Variants in ZBTB20 observed in about 807,000 individuals in gnomAD.
The protein encoded by ZBTB20 is zinc finger and BTB domain containing 20, also known as zinc finger and BTB domain-containing protein 20.
Under a neutral mutation model 56.9 loss-of-function variants are expected in ZBTB20, and 9 were observed. The observed-to-expected ratio is 0.16, with a 90% CI of 0.10 to 0.28. The LOEUF (loss-of-function observed/expected upper bound fraction) is 0.28, where lower values mean the gene tolerates loss of function less well. Ranked by LOEUF, ZBTB20 falls within the 10% of genes least tolerant of loss-of-function variation. ZBTB20 has a pLI of 1.00. For missense variants in ZBTB20, 655 were observed against 1,003.0 expected, an observed-to-expected ratio of 0.65 and a Z score of 4.69; for synonymous variants, 417 against 420.7, an observed-to-expected ratio of 0.99 and a Z score of 0.11.
chr3:114,826,309 A>C, intron 4 of ZBTB20, among the ~76,000 whole-genome samples: 1 of 151,746 alleles, frequency 6.6e-6, no homozygotes, highest in Non-Finnish European at 1.5e-5. Context: ...AATATCTTAG[A>C]GGTTTTTTCC....
At chr3:114,402,293 C>T (rs1478036980) in intron 7 of ZBTB20, among the ~76,000 whole-genome samples, 3 of 151,990 alleles carry the variant, frequency 2.0e-5, no homozygotes, top group Non-Finnish European at 4.4e-5. Flanking sequence ...TCCCTCCAAA[C>T]AGGATTTGAT....
chr3:115,004,581 T>G (rs1167257115), intron 2 of ZBTB20, among the ~76,000 whole-genome samples: 1 of 151,728 alleles, frequency 6.6e-6, no homozygotes, highest in Admixed American at 6.6e-5. Context: ...AGAGGGTCTT[T>G]CATTTTTCCA....
chr3:114,860,632 G>T (rs1483131389), intron 4 of ZBTB20, among the ~76,000 whole-genome samples: 1 of 152,200 alleles, frequency 6.6e-6, no homozygotes, highest in Non-Finnish European at 1.5e-5. Flanking sequence ...ATTGTGAGAA[G>T]AGTTGCTTTC....
intron 2 of ZBTB20, among the ~76,000 whole-genome samples, chr3:114,991,657 C>A (rs151066333): frequency 2.8e-3 from 424 of 152,058 alleles, no homozygotes; most frequent in Non-Finnish European, 4.3e-3. Flanking sequence ...CCTGGATATC[C>A]TTTTTAACTT....
chr3:114,690,413 A>G (rs553355770), intron 6 of ZBTB20, among the ~76,000 whole-genome samples: 4 of 152,272 alleles, frequency 2.6e-5, no homozygotes, highest in South Asian at 4.1e-4. Context: ...TGGACAACAC[A>G]TCACTACTGA....
chr3:114,751,070 A>G (rs1028316931), intron 5 of ZBTB20, among the ~76,000 whole-genome samples: 20 of 152,186 alleles, frequency 1.3e-4, no homozygotes, highest in African/African-American at 4.8e-4. Flanking sequence ...TCAAATTTAT[A>G]CCAAGTTCCT....
intron 11 of ZBTB20, among the ~76,000 whole-genome samples, chr3:114,346,054 A>C (rs928541467): frequency 7.9e-5 from 12 of 152,232 alleles, no homozygotes; most frequent in Admixed American, 2.6e-4. Flanking sequence ...GAATGAAAGA[A>C]ACTCCTAGAG....
rs150440094 is a variant in ZBTB20 at position 115,130,831 on chromosome 3, G to A, written c.-703+16388C>T. Among the ~76,000 whole-genome samples, 675 of 152,098 alleles carry A rather than the reference G, an allele frequency of 4.4e-3. 2 individuals are homozygous for A. Among genetic ancestry groups the A allele is most frequent in the Non-Finnish European group, 7.4e-3 (504 of 67,976 alleles). Reference sequence around the variant, plus strand: ...GGCTGGAGTGCAATGGCACCATCTCGGCTCACCACAACCTGCACCTCCCAG... The same window carrying A: ...GGCTGGAGTGCAATGGCACCATCTCAGCTCACCACAACCTGCACCTCCCAG... On this transcript the variant is annotated intron_variant, in intron 1 of 11. Coordinates refer to ENST00000675478, the MANE Select transcript of ZBTB20 (RefSeq NM_001348800.3).
At chr3:114,699,512 A>G (rs1377593928) in intron 5 of ZBTB20, among the ~76,000 whole-genome samples, 2 of 152,118 alleles carry the variant, frequency 1.3e-5, no homozygotes, top group African/African-American at 4.8e-5. Flanking sequence ...TTGGAGAATA[A>G]GACCTTTAGA....
intron 5 of ZBTB20, among the ~76,000 whole-genome samples, chr3:114,740,320 A>G (rs1338579340): frequency 6.6e-6 from 1 of 152,218 alleles, no homozygotes; most frequent in Non-Finnish European, 1.5e-5. Context: ...AACTATTAGC[A>G]TAGGTATGAT....
intron 1 of ZBTB20, among the ~76,000 whole-genome samples, chr3:115,076,252 G>A (rs1279745865): frequency 1.3e-4 from 20 of 152,032 alleles, no homozygotes; most frequent in Admixed American, 1.2e-3. Flanking sequence ...TAGCCAAATC[G>A]ATCTTGAGAA....
At chr3:115,061,496 T>G (rs1441851166) in intron 2 of ZBTB20, among the ~76,000 whole-genome samples, 1 of 152,180 alleles carries the variant, frequency 6.6e-6, no homozygotes. Flanking sequence ...ATTAACCAAT[T>G]TATTGATTTC....
At chr3:114,613,901 T>C (rs1009989814) in intron 6 of ZBTB20, among the ~76,000 whole-genome samples, 1 of 152,200 alleles carries the variant, frequency 6.6e-6, no homozygotes, top group Non-Finnish European at 1.5e-5. Flanking sequence ...GCTTATTATA[T>C]ACTAGGTATT....
rs575889182 is a variant in ZBTB20 at position 114,462,146 on chromosome 3, A to G, written c.-255+38206T>C. ...GGTTATTATTGTAGAAGAAACATCA[A>G]TTTGGATTGCAAGTATCCTAGGACC... On this transcript the variant is annotated intron_variant, in intron 7 of 11. Transcript: ENST00000675478. Among the ~76,000 whole-genome samples the G allele has an allele frequency of 5.9e-5, 9 of 152,360 alleles. No homozygotes were observed. The East Asian group carries it at 1.2e-3, about 20-fold the overall frequency.
chr3:114,721,308 A>AC (rs2108494423), intron 5 of ZBTB20, among the ~76,000 whole-genome samples: 1 of 152,126 alleles, frequency 6.6e-6, no homozygotes, highest in East Asian at 1.9e-4. Flanking sequence ...GGAGAGCATA[A>AC]AGGTAATGAG....
At chr3:114,357,991 C>T (rs1366090058) in intron 10 of ZBTB20, among the ~76,000 whole-genome samples, 1 of 152,172 alleles carries the variant, frequency 6.6e-6, no homozygotes, top group African/African-American at 2.4e-5. Context: ...ATATAGTTTA[C>T]AACTGTTGAA....
chr3:114,729,971 T>G (rs2108534830), intron 5 of ZBTB20, among the ~76,000 whole-genome samples: 1 of 149,860 alleles, frequency 6.7e-6, no homozygotes, highest in South Asian at 2.1e-4. Flanking sequence ...TTTTTTTTTT[T>G]TTTTTTTGTA....
At chr3:115,038,118 G>T (rs893814035) in intron 2 of ZBTB20, among the ~76,000 whole-genome samples, 1 of 152,090 alleles carries the variant, frequency 6.6e-6, no homozygotes, top group African/African-American at 2.4e-5. Flanking sequence ...AGCTTTTCCG[G>T]GTTAAACTTC....
At chr3:114,714,086 C>T (rs2064285735) in intron 5 of ZBTB20, 2 of 152,606 alleles carry the variant, frequency 1.3e-5, no homozygotes, top group South Asian at 2.1e-4. Flanking sequence ...CTCTAATATA[C>T]TACTACTATA....
Sources: gnomAD v4.1 joint callset for allele counts (sites outside exome capture counted in the v4.1 genomes callset) on GRCh38, gnomAD v4.1.1 for gene constraint, MANE v1.5 for transcripts, NCBI Gene and HGNC (gene_info 2026-07-23, HGNC 2026-07-21) for gene names.